Variants in DCLK2 observed in about 807,000 individuals in gnomAD.
DCLK2 encodes the protein doublecortin like kinase 2.
In DCLK2, 31 loss-of-function variants were observed where a neutral mutation model predicts 78.4. The ratio of observed to expected loss-of-function variants is 0.40; its 90% confidence interval spans 0.30 to 0.53. DCLK2 has a LOEUF of 0.53. Ranked by LOEUF, DCLK2 falls within the 20% of genes least tolerant of loss-of-function variation. The pLI, the probability that DCLK2 is intolerant of heterozygous loss-of-function variation, is 0.61. For missense variants in DCLK2, 872 were observed against 973.7 expected, an observed-to-expected ratio of 0.90 and a Z score of 1.39; for synonymous variants, 407 against 374.9, an observed-to-expected ratio of 1.09 and a Z score of -0.99.
At position 150,256,268 on chromosome 4, in the gene DCLK2, G is replaced by A. The variant is rs758636776; in HGVS notation, c.*21G>A. ...ACTGAGCCTCCTGCAGACGGGCGAA[G>A]CCGCCTGCTGCAGCCCAGGAAGCCA... On this transcript the variant is annotated 3_prime_UTR_variant, in exon 16 of 16. Transcript: ENST00000296550. 3 of 1,475,140 alleles carry A rather than the reference G, an allele frequency of 2.0e-6. No homozygotes were observed. The highest frequency in any genetic ancestry group is 1.4e-5 in the South Asian group (1 of 73,442). The allele number at this position is 1,475,140 out of a possible 1,614,324, so 91.4% of individuals were successfully genotyped here. A position where few individuals can be genotyped will look rare whatever the true frequency, so the allele number is the denominator to read the frequency against.
At chr4:150,132,099 A>G (rs969193940) in intron 2 of DCLK2, among the ~76,000 whole-genome samples, 5 of 151,614 alleles carry the variant, frequency 3.3e-5, no homozygotes, top group African/African-American at 9.8e-5. Context: ...TGAGGCATAG[A>G]AGGGCTGCCT....
At chr4:150,253,483 A>G (rs767175193) in intron 15 of DCLK2, 4 of 1,289,618 alleles carry the variant, frequency 3.1e-6, no homozygotes, top group East Asian at 5.5e-5. Context: ...GTTTGATTTG[A>G]CAGTTTGAGA....
intron 1 of DCLK2, among the ~76,000 whole-genome samples, chr4:150,099,927 T>C (rs915937545): frequency 1.1e-4 from 17 of 152,164 alleles, no homozygotes; most frequent in African/African-American, 4.1e-4. Flanking sequence ...TTGTTTGCTT[T>C]ATGGGGACAG....
intron 1 of DCLK2, among the ~76,000 whole-genome samples, chr4:150,099,538 G>A (rs1730716634): frequency 6.6e-6 from 1 of 152,238 alleles, no homozygotes; most frequent in Non-Finnish European, 1.5e-5. Flanking sequence ...CTTGATGGCT[G>A]TTGTCGTCAA....
chr4:150,080,111 G>GGCCCCCCC (rs1729138253), intron 1 of DCLK2, among the ~76,000 whole-genome samples: 1 of 129,550 alleles, frequency 7.7e-6, no homozygotes, highest in Admixed American at 7.6e-5. Flanking sequence ...AGTCTCAAAA[G>GGCCCCCCC]CCCCCCCCCC....
rs1484063881 is a variant in DCLK2, at chr4:150,079,261, G to C, written c.234G>C (p.Arg78=). 2.5e-6 allele frequency: 4 copies of C among 1,606,030 alleles called. No homozygotes were observed. In the Admixed American group the frequency reaches 6.8e-5, roughly 27 times the overall value. ...AGGCCAAGAAGGCGCGCTTCTACCG[G>C]AACGGGGACCGCTACTTCAAGGGCC... The part of the protein sequence containing the change: ...EKKAKKARFY[R]NGDRYFKGLV... Residue 78 remains arginine, a synonymous_variant, in exon 1 of 16, where the codon CGG becomes CGC. Coordinates refer to ENST00000296550, the MANE Select transcript of DCLK2 (RefSeq NM_001040260.4).
At chr4:150,126,636 G>A (rs1238815910) in intron 2 of DCLK2, among the ~76,000 whole-genome samples, 1 of 152,044 alleles carries the variant, frequency 6.6e-6, no homozygotes, top group African/African-American at 2.4e-5. Flanking sequence ...CTTTTATTTT[G>A]AAATAACTTT....
chr4:150,203,378 C>G (rs1739591042), intron 4 of DCLK2, among the ~76,000 whole-genome samples: 1 of 152,086 alleles, frequency 6.6e-6, no homozygotes, highest in Non-Finnish European at 1.5e-5. Context: ...CTTGGTTATC[C>G]AAACTTCTTG....
chr4:150,205,709 T>C (rs1739793928), intron 5 of DCLK2, among the ~76,000 whole-genome samples: 1 of 152,246 alleles, frequency 6.6e-6, no homozygotes, highest in South Asian at 2.1e-4. Flanking sequence ...GAAGTAACTT[T>C]CAAGAGAACT....
At chr4:150,250,454 C>T (rs138831219) in intron 15 of DCLK2, among the ~76,000 whole-genome samples, 20 of 152,180 alleles carry the variant, frequency 1.3e-4, no homozygotes, top group East Asian at 3.9e-4. Flanking sequence ...GCCAGCTCAC[C>T]GTGAGCAGGT....
intron 2 of DCLK2, among the ~76,000 whole-genome samples, chr4:150,153,966 A>T (rs1162762063): frequency 1.3e-5 from 2 of 152,124 alleles, no homozygotes; most frequent in African/African-American, 2.4e-5. Context: ...TCCACCAAGC[A>T]TATCTGAATG....
intron 2 of DCLK2, among the ~76,000 whole-genome samples, chr4:150,107,378 G>GGTTTTTTTTTTTTTTTTTTTTTTTTTTTT (rs535824608): frequency 8.0e-6 from 1 of 125,180 alleles, no homozygotes; most frequent in Admixed American, 8.3e-5. Flanking sequence ...TTTGGTTATT[G>GGTTTTTTTTTTTTTTTTTTTTTTTTTTTT]TTTTTTTTTT....
chr4:150,079,071 G>A lies in DCLK2; in HGVS notation c.44G>A (p.Arg15Gln). ...ATCGAGCTGGAGCACTTTGAGGAAC[G>A]GGACAAAAGGCCGCGGCCGGGGTCG... is the stretch of plus-strand genomic sequence containing the variant. ...RSIELEHFEE[R>Q]DKRPRPGSRR... The change falls in exon 1 of 16, where the codon CGG becomes CAG. Residue 15 changes from arginine (R) to glutamine (Q), a missense_variant. By Grantham distance (43) the Arg-to-Gln change is conservative. This residue lies in a region of DCLK2 where 567 missense variants were observed against 593.4 expected (regional missense o/e 0.96). Coordinates refer to ENST00000296550, the MANE Select transcript of DCLK2 (RefSeq NM_001040260.4). 6.4e-7 allele frequency: 1 copy of A among 1,557,186 alleles called. No homozygotes were observed. The highest frequency in any genetic ancestry group is 8.7e-7 in the Non-Finnish European group (1 of 1,155,850).
intron 2 of DCLK2, among the ~76,000 whole-genome samples, chr4:150,176,914 A>G (rs2150274043): frequency 6.6e-6 from 1 of 152,348 alleles, no homozygotes; most frequent in African/African-American, 2.4e-5. Context: ...TCCCAGTCCC[A>G]GTTTAATTGA....
chr4:150,121,831 A>G (rs556764081), intron 2 of DCLK2, among the ~76,000 whole-genome samples: 11 of 152,380 alleles, frequency 7.2e-5, no homozygotes, highest in African/African-American at 2.6e-4. Flanking sequence ...TTGAGCTAGC[A>G]GGCATGAAAA....
At chr4:150,218,576 AC>A (rs1740925717) in intron 5 of DCLK2, among the ~76,000 whole-genome samples, 2 of 152,150 alleles carry the variant, frequency 1.3e-5, no homozygotes, top group South Asian at 4.1e-4. Flanking sequence ...GAGAGCAGGG[AC>A]CCAGGTACAG....
At chr4:150,089,831 C>T (rs1326309989) in intron 1 of DCLK2, among the ~76,000 whole-genome samples, 2 of 152,148 alleles carry the variant, frequency 1.3e-5, no homozygotes, top group Admixed American at 6.5e-5. Context: ...CCAGTGTGAC[C>T]GTGGCACTGA....
chr4:150,241,165 G>T lies in DCLK2; in HGVS notation c.1778+689G>T, dbSNP rs997628034. Among the ~76,000 whole-genome samples the T allele has an allele frequency of 2.0e-5, 3 of 152,102 alleles. No individual in the cohort carries two copies. In the East Asian group the frequency reaches 5.8e-4, roughly 29 times the overall value. On this transcript the variant is annotated intron_variant, in intron 12 of 15. Coordinates refer to ENST00000296550, the MANE Select transcript of DCLK2 (RefSeq NM_001040260.4). ...CTTTCTTCTTAAAATTCATTTTATT[G>T]GTTCATGTGACATTTAATTAAGAAT...
intron 8 of DCLK2, 77 bp downstream of exon 8, chr4:150,224,635 A>C (rs966986805): frequency 7.2e-6 from 9 of 1,243,806 alleles, no homozygotes; most frequent in African/African-American, 3.0e-5. Flanking sequence ...GAAGGAATTT[A>C]AGTGGGGACT....
Sources: gnomAD v4.1 joint callset for allele counts (sites outside exome capture counted in the v4.1 genomes callset) on GRCh38, gnomAD v4.1.1 for gene constraint, gnomAD v4.1.1 regional missense constraint, MANE v1.5 for transcripts, NCBI Gene and HGNC (gene_info 2026-07-23, HGNC 2026-07-21) for gene names.